The following NOP9 variants were observed in gnomAD, a reference collection of about 807,000 sequenced individuals.
The protein encoded by NOP9 is NOP9 nucleolar protein.
A neutral mutation model predicts 63.0 loss-of-function variants in NOP9; 50 were observed. The observed-to-expected ratio is 0.79, with a 90% CI of 0.63 to 1.00. NOP9 has a LOEUF of 1.00. Ranked by LOEUF, NOP9 falls within the 50% of genes least tolerant of loss-of-function variation. NOP9 has a pLI of 0.00. For missense variants in NOP9, 758 were observed against 803.0 expected (o/e 0.94, Z 0.68); for synonymous variants, 343 against 332.8 (o/e 1.03, Z -0.33).
chr14:24,302,946 T>G, intron 5 of NOP9, 128 bp from the exon 6 acceptor site: 2 of 1,150,744 alleles, frequency 1.7e-6, no homozygotes, highest in South Asian at 1.7e-5. Flanking sequence ...CAAACAAAAG[T>G]CCTGATACTG....
At chr14:24,278,872 C>G in the NOP9 span, among the ~76,000 whole-genome samples, 11 of 152,206 alleles carry the variant, frequency 7.2e-5, no homozygotes, top group African/African-American at 2.4e-4. Context: ...AGGTAGAAAT[C>G]AGGATGGTGA....
chr14:24,305,903 T>TC lies in NOP9; in HGVS notation c.*810dup. 6.3e-7 allele frequency: 1 copy of TC among 1,594,856 alleles called. No individual in the cohort carries two copies. The highest frequency in any genetic ancestry group is 8.6e-7 in the Non-Finnish European group (1 of 1,168,284). ...GCAAGAGGACGAATTATGGGGACTA[T>TC]CCAACTGTAGGGGATGGGGCAGTAT... On this transcript the variant is annotated 3_prime_UTR_variant, in exon 10 of 10. Coordinates refer to ENST00000267425, the MANE Select transcript of NOP9 (RefSeq NM_174913.3).
At chr14:24,294,196 A>G in the NOP9 span, 1 of 152,266 alleles carries the variant, frequency 6.6e-6, no homozygotes, top group Admixed American at 6.5e-5. Flanking sequence ...TCACACCAAG[A>G]CAGAAACTAT....
chr14:24,298,805 A>T, upstream of NOP9: 1 of 1,015,200 alleles, frequency 9.9e-7, no homozygotes, highest in Non-Finnish European at 1.3e-6. Context: ...ACCTGAAGTT[A>T]TTTACGGGGT....
At chr14:24,284,223 C>G in the NOP9 span, among the ~76,000 whole-genome samples, 6 of 152,150 alleles carry the variant, frequency 3.9e-5, no homozygotes, top group Non-Finnish European at 8.8e-5. Context: ...CTGTGGCGAC[C>G]CCTCCCACTC....
At position 24,305,852 on chromosome 14, in the gene NOP9, C is replaced by A; in HGVS notation, c.*757C>A. On this transcript the variant is annotated 3_prime_UTR_variant, in exon 10 of 10. Coordinates refer to ENST00000267425, the MANE Select transcript of NOP9 (RefSeq NM_174913.3). ...CTGGGAGATGAGGACTTTCCACAAG[C>A]AAGAGCTAACTAGGGGTAGGTGGGT... 1 of 1,585,642 alleles carries A rather than the reference C, an allele frequency of 6.3e-7. No homozygotes were observed. Among genetic ancestry groups the A allele is most frequent in the Non-Finnish European group, 8.6e-7 (1 of 1,163,210 alleles).
the NOP9 span, among the ~76,000 whole-genome samples, chr14:24,274,055 G>C: frequency 6.6e-6 from 1 of 152,144 alleles, no homozygotes; most frequent in Non-Finnish European, 1.5e-5. Flanking sequence ...CTTGTTGAGG[G>C]CCACCCATGT....
the NOP9 span, chr14:24,291,538 G>C: frequency 6.2e-7 from 1 of 1,613,886 alleles, no homozygotes; most frequent in East Asian, 2.2e-5. Flanking sequence ...CTTATTACCA[G>C]CTGCCCCCAA....
the NOP9 span, among the ~76,000 whole-genome samples, chr14:24,284,755 T>C: frequency 2.0e-5 from 3 of 152,092 alleles, no homozygotes; most frequent in Admixed American, 6.5e-5. Flanking sequence ...CCAAGGCCTT[T>C]GGCGGTCGTG....
At chr14:24,277,139 G>A in the NOP9 span, among the ~76,000 whole-genome samples, 359 of 152,272 alleles carry the variant, frequency 2.4e-3, no homozygotes, top group Non-Finnish European at 4.1e-3. Flanking sequence ...ATGCAGGGAC[G>A]AAGGGAACTG....
At chr14:24,301,893 G>T (rs1207348832) in intron 3 of NOP9, 72 bp from the exon 4 acceptor site, 1 of 1,534,784 alleles carries the variant, frequency 6.5e-7, no homozygotes, top group East Asian at 2.3e-5. Flanking sequence ...GTATCTTGTT[G>T]CCTAAAGTTT....
At chr14:24,297,431 A>T (rs2041269548), upstream of NOP9, among the ~76,000 whole-genome samples, 1 of 152,200 alleles carries the variant, frequency 6.6e-6, no homozygotes, top group Non-Finnish European at 1.5e-5. Flanking sequence ...CTCCAACTTC[A>T]GAGGAAGAAG....
chr14:24,306,109 C>A lies in NOP9; in HGVS notation c.*1014C>A. ...GTCCTTGCTGTGCTTGGGCCTCTCCCGTCCCAGGCCATATGACAGCACTCC... is the reference window on the plus strand; with the variant it reads ...GTCCTTGCTGTGCTTGGGCCTCTCCAGTCCCAGGCCATATGACAGCACTCC... On this transcript the variant is annotated 3_prime_UTR_variant, in exon 10 of 10. Coordinates refer to ENST00000267425, the MANE Select transcript of NOP9 (RefSeq NM_174913.3). The A allele has an allele frequency of 6.2e-7, 1 of 1,613,966 alleles. No homozygotes were observed. The highest frequency in any genetic ancestry group is 2.2e-5 in the East Asian group (1 of 44,880).
At chr14:24,285,363 G>A in the NOP9 span, among the ~76,000 whole-genome samples, 3 of 152,310 alleles carry the variant, frequency 2.0e-5, no homozygotes, top group African/African-American at 7.2e-5. Flanking sequence ...GTTTCTGGTG[G>A]TGGGAGCAGA....
chr14:24,276,885 T>C, the NOP9 span, among the ~76,000 whole-genome samples: 4 of 152,346 alleles, frequency 2.6e-5, no homozygotes, highest in East Asian at 7.7e-4. Context: ...CTGATCCTCC[T>C]ATTTTAAAAC....
chr14:24,292,691 C>T, the NOP9 span: 4 of 1,614,256 alleles, frequency 2.5e-6, no homozygotes, highest in Non-Finnish European at 3.4e-6. Context: ...TGAACATATA[C>T]TGCAGGCTTC....
In NOP9 at chr14:24,306,295, T is replaced by A. The variant is rs2041504806; in HGVS notation, c.*1200T>A. 2.5e-6 allele frequency: 4 copies of A among 1,576,200 alleles called. No homozygotes were observed. Among genetic ancestry groups the A allele is most frequent in the Middle Eastern group, 1.7e-4 (1 of 5,940 alleles). On this transcript the variant is annotated 3_prime_UTR_variant, in exon 10 of 10. Transcript: ENST00000267425. ...CTCCTCCTGCACCTGGTCCCCAGGA[T>A]CAGGGTTAAGCTAGAGAGGAAGCCC...
At chr14:24,277,526 C>T in the NOP9 span, among the ~76,000 whole-genome samples, 64 of 152,142 alleles carry the variant, frequency 4.2e-4, 1 homozygote, top group Admixed American at 9.8e-4. Flanking sequence ...AAATGGACAA[C>T]GAAGAGAGGA....
the NOP9 span, among the ~76,000 whole-genome samples, chr14:24,272,394 A>G: frequency 6.6e-6 from 1 of 152,006 alleles, no homozygotes; most frequent in South Asian, 2.1e-4. Context: ...ATCCTGTCTA[A>G]ACATTGGCCT....
Sources: gnomAD v4.1 joint callset for allele counts (sites outside exome capture counted in the v4.1 genomes callset) on GRCh38, gnomAD v4.1.1 for gene constraint, MANE v1.5 for transcripts, NCBI Gene and HGNC (gene_info 2026-07-23, HGNC 2026-07-21) for gene names.